Variants in SH3TC1 observed in about 807,000 individuals in gnomAD.
SH3TC1 encodes SH3 domain and tetratricopeptide repeats 1.
Under a neutral mutation model 117.3 loss-of-function variants are expected in SH3TC1, and 135 were observed. That is an observed-to-expected ratio of 1.15 (90% CI 1.00 to 1.33). The LOEUF (loss-of-function observed/expected upper bound fraction) is 1.33. SH3TC1 is among the 40% of genes most tolerant of loss of function. The pLI is 0.00. For missense variants in SH3TC1, 2,092 were observed against 1,794.3 expected, an observed-to-expected ratio of 1.17 and a Z score of -3.00; for synonymous variants, 898 against 816.9, an observed-to-expected ratio of 1.10 and a Z score of -1.69.
At chr4:8,199,110 A>G (rs1160687150), upstream of SH3TC1, among the ~76,000 whole-genome samples, 1 of 152,172 alleles carries the variant, frequency 6.6e-6, no homozygotes, top group East Asian at 1.9e-4. Flanking sequence ...GGCAGGCAGG[A>G]CAGGGCCTGG....
intron 1 of SH3TC1, among the ~76,000 whole-genome samples, chr4:8,182,916 G>C (rs1029047877): frequency 4.6e-5 from 7 of 152,206 alleles, no homozygotes; most frequent in Admixed American, 1.3e-4. Flanking sequence ...CCTGCCACTG[G>C]GGATGAGACC....
At position 8,240,788 on chromosome 4, in the gene SH3TC1, CG is replaced by C. The variant is rs1722262229; in HGVS notation, c.3846del (p.Leu1283TrpfsTer93). The C allele has an allele frequency of 6.2e-7, 1 of 1,614,112 alleles. No homozygotes were observed. The highest frequency in any genetic ancestry group is 8.5e-7 in the Non-Finnish European group (1 of 1,180,036). Reference sequence around the variant, plus strand: ...GAAGGCACAGCTGAAGATCTACACGCGGCTGGCCACCATCTACCACAACTTC... The same window carrying C: ...GAAGGCACAGCTGAAGATCTACACGCGCTGGCCACCATCTACCACAACTTC... ...NKKAQLKIYT[R>X]LATIYHNFLL... On this transcript the variant is annotated frameshift_variant, in exon 18 of 18. Transcript: ENST00000245105. LOFTEE classifies it low-confidence loss of function (END_TRUNC).
At chr4:8,212,935 G>A (rs982395684) in intron 4 of SH3TC1, 107 bp downstream of exon 4, 2 of 1,409,052 alleles carry the variant, frequency 1.4e-6, no homozygotes, top group Non-Finnish European at 1.9e-6. Flanking sequence ...AGGCCTCAGA[G>A]AGCGAGAGCC....
intron 16 of SH3TC1, chr4:8,237,248 A>G (rs1216028385): frequency 2.1e-6 from 1 of 473,748 alleles, no homozygotes; most frequent in East Asian, 3.5e-5. Flanking sequence ...GTAGGCACAG[A>G]GCTGGGCCAT....
At chr4:8,193,462 C>T (rs573686558) in intron 1 of SH3TC1, among the ~76,000 whole-genome samples, 1 of 152,280 alleles carries the variant, frequency 6.6e-6, no homozygotes, top group South Asian at 2.1e-4. Flanking sequence ...CCTGAGAAAC[C>T]CTTTACGCCC....
rs530778166 is a variant in SH3TC1, at chr4:8,204,605, C to T, written c.-28-562C>T. On this transcript the variant is annotated intron_variant, in intron 1 of 17. Transcript: ENST00000245105. ...GCTTGCCATCCTCCTCTCTTATTAG[C>T]GCCTCTGTCTGAGGCCGGAGCTGAG... Among the ~76,000 whole-genome samples, 258 of 152,338 alleles carry T rather than the reference C, an allele frequency of 1.7e-3. 1 individual carries two copies. Among genetic ancestry groups the T allele is most frequent in the African/African-American group, 5.8e-3 (240 of 41,574 alleles).
Position 8,217,050 on chromosome 4 carries a change from CG to C in SH3TC1, c.727del (p.Ala243HisfsTer33). 1 of 1,613,182 alleles carries C rather than the reference CG, an allele frequency of 6.2e-7. No homozygotes were observed. Among genetic ancestry groups the C allele is most frequent in the South Asian group, 1.1e-5 (1 of 90,980 alleles). On this transcript the variant is annotated frameshift_variant, in exon 7 of 18. Coordinates refer to ENST00000245105, the MANE Select transcript of SH3TC1 (RefSeq NM_018986.5). LOFTEE classifies it high-confidence loss of function. ...GGCCCCCAGGCCCTCAGGCAGGCTT[CG>C]GGGGCACCCCAGGGAGAGGCGGCCC... is the stretch of plus-strand genomic sequence containing the variant. ...GNGPQALRQA[S>X]GAPQGEAAPE...
At chr4:8,235,066 G>A (rs1041652171) in intron 14 of SH3TC1, among the ~76,000 whole-genome samples, 1 of 152,232 alleles carries the variant, frequency 6.6e-6, no homozygotes, top group East Asian at 1.9e-4. Context: ...CTGTTGATGT[G>A]GGGTCCTGAG....
chr4:8,227,237 T>G lies in SH3TC1; in HGVS notation c.1543T>G (p.Phe515Val). Residue 515 changes from phenylalanine (F) to valine (V), a missense_variant, in exon 12 of 18, where the codon TTC becomes GTC. Phe to Val is a conservative substitution (Grantham distance 50). Transcript: ENST00000245105. ...FLNAPGYKASFRGLYDVALPW... is the reference protein window; with the variant it reads ...FLNAPGYKASVRGLYDVALPW... ...GAACGCCCCTGGGTACAAGGCCAGC[T>G]TCCGTGGCCTGTACGATGTGGCGCT... The G allele has an allele frequency of 6.3e-7, 1 of 1,582,690 alleles. No individual in the cohort carries two copies. Among genetic ancestry groups the G allele is most frequent in the Non-Finnish European group, 8.6e-7 (1 of 1,163,286 alleles).
chr4:8,234,578 TCCACCCATCC>T (rs1359520248), intron 14 of SH3TC1, among the ~76,000 whole-genome samples: 1 of 76,798 alleles, frequency 1.3e-5, no homozygotes, highest in Admixed American at 1.3e-4. Flanking sequence ...TATCCATCCA[TCCACCCATCC>T]ATCCATCCAT....
At chr4:8,235,593 G>T (rs200192489) in intron 15 of SH3TC1, 38 bp downstream of exon 15, 16 of 1,530,816 alleles carry the variant, frequency 1.0e-5, no homozygotes, top group East Asian at 4.7e-5. Context: ...TGGGCCCCAG[G>T]GGGGGCACCT....
chr4:8,229,011 C>CTTGTG (rs1720864906), intron 12 of SH3TC1: 1 of 231,914 alleles, frequency 4.3e-6, no homozygotes, highest in Non-Finnish European at 8.4e-6. Flanking sequence ...ATGAGCCAGG[C>CTTGTG]CCTGAACGCC....
At chr4:8,214,878 G>T (rs1180560345) in intron 5 of SH3TC1, among the ~76,000 whole-genome samples, 1 of 152,128 alleles carries the variant, frequency 6.6e-6, no homozygotes, top group African/African-American at 2.4e-5. Context: ...TAGAGATGGG[G>T]TTTCACCATG....
chr4:8,212,263 C>T (rs1718812037), intron 3 of SH3TC1, among the ~76,000 whole-genome samples: 1 of 150,862 alleles, frequency 6.6e-6, no homozygotes. Context: ...TTACAGTCAC[C>T]ATGGGCGTGG....
chr4:8,211,586 A>C, intron 3 of SH3TC1, among the ~76,000 whole-genome samples: 1 of 143,984 alleles, frequency 6.9e-6, no homozygotes, highest in African/African-American at 2.6e-5. Flanking sequence ...TGCTCTGCAG[A>C]GGCCAAAGCC....
rs1717143341 is a variant in SH3TC1 at position 8,183,597 on chromosome 4, G to C, written c.-57+1387G>C. ...TCCACCCTACAGGGACTTTTTGTTT[G>C]TTTTTCTTTTAATAGACTGAATTCT... On this transcript the variant is annotated intron_variant, in intron 1 of 16. Transcript: ENST00000508641. The surrounding 1 kb of genome is among the most constrained non-coding windows in gnomAD (Gnocchi z 5.4). Among the ~76,000 whole-genome samples the C allele has an allele frequency of 6.6e-6, 1 of 152,166 alleles. No individual in the cohort carries two copies.
At chr4:8,222,483 C>T (rs534982609) in intron 9 of SH3TC1, among the ~76,000 whole-genome samples, 40 of 147,730 alleles carry the variant, frequency 2.7e-4, no homozygotes, top group African/African-American at 1.0e-3. Flanking sequence ...AAGTGATTCT[C>T]CTGCCTCAGC....
intron 4 of SH3TC1, 36 bp from the exon 5 acceptor site, chr4:8,214,439 T>G: frequency 6.3e-7 from 1 of 1,582,200 alleles, no homozygotes; most frequent in Non-Finnish European, 8.7e-7. Context: ...CCAGAGCTCC[T>G]GGGGACCTCT....
At chr4:8,182,699 G>T (rs1717111817) in intron 1 of SH3TC1, among the ~76,000 whole-genome samples, 1 of 152,200 alleles carries the variant, frequency 6.6e-6, no homozygotes, top group African/African-American at 2.4e-5. Context: ...GTGGCCAGCA[G>T]CCATAGTTGA....
Sources: allele counts gnomAD v4.1 joint callset (sites outside exome capture counted in the v4.1 genomes callset), GRCh38; gene constraint gnomAD v4.1.1; non-coding constraint Gnocchi (gnomAD v3.1); transcripts MANE v1.5; gene names NCBI Gene and HGNC (gene_info 2026-07-23, HGNC 2026-07-21).